Variants in ANKRD11 observed in about 807,000 individuals in gnomAD.
ANKRD11 encodes the protein ankyrin repeat domain 11, also known as ankyrin repeat domain-containing protein 11.
Under a neutral mutation model 195.7 loss-of-function variants are expected in ANKRD11, and 17 were observed. The ratio of observed to expected loss-of-function variants is 0.09; its 90% CI spans 0.06 to 0.13. The LOEUF is 0.13. Ranked by LOEUF, ANKRD11 falls within the 10% of genes least tolerant of loss-of-function variation. The pLI is 1.00. For synonymous variants in ANKRD11, 1,953 were observed against 1,528.1 expected (o/e 1.28, Z -6.49); for missense variants, 3,735 against 3,566.1 (o/e 1.05, Z -1.21).
Position 89,285,667 on chromosome 16 carries a change from C to CGA in ANKRD11, c.893-20_893-19dup. The CGA allele has an allele frequency of 4.3e-6, 7 of 1,613,430 alleles. No homozygotes were observed. Among genetic ancestry groups the CGA allele is most frequent in the Non-Finnish European group, 5.9e-6 (7 of 1,179,400 alleles). On this transcript the variant is annotated intron_variant, in intron 8 of 12. Coordinates refer to ENST00000301030, the MANE Select transcript of ANKRD11 (RefSeq NM_013275.6). The surrounding 1 kb of genome is among the most constrained non-coding windows in gnomAD (Gnocchi z 5.6). ...TGAGCTCTCTGTTGGAGGTAGGAAG[C>CGA]GAGAGGTCACAGGCAGGCTCAAAAC... is the stretch of plus-strand genomic sequence containing the variant.
chr16:89,340,707 A>G (rs2038616585), intron 2 of ANKRD11, among the ~76,000 whole-genome samples: 1 of 152,246 alleles, frequency 6.6e-6, no homozygotes, highest in African/African-American at 2.4e-5. Flanking sequence ...TTTAAATAAA[A>G]ACTATAAACT....
At chr16:89,277,575 G>C (rs1047155613) in intron 9 of ANKRD11, 1 of 152,302 alleles carries the variant, frequency 6.6e-6, no homozygotes, top group Non-Finnish European at 1.5e-5. Flanking sequence ...ACTGAGGAGA[G>C]ATCCTGGGGC....
At chr16:89,268,939 G>A (rs896778396) in intron 12 of ANKRD11, among the ~76,000 whole-genome samples, 1 of 152,218 alleles carries the variant, frequency 6.6e-6, no homozygotes, top group African/African-American at 2.4e-5. Flanking sequence ...TGCTCTGGGT[G>A]GGCCTGGGAC....
intron 2 of ANKRD11, among the ~76,000 whole-genome samples, chr16:89,349,845 G>A (rs377696419): frequency 7.7e-6 from 1 of 130,672 alleles, no homozygotes; most frequent in East Asian, 2.2e-4. Context: ...AAAAATACAG[G>A]CCAAATACTT....
rs567003574 is a variant in ANKRD11 at position 89,286,913 on chromosome 16, A to G, written c.745-727T>C. ...GATTAGCGCATTCAAAGAATCTGTC[A>G]TAACGTTTACTATAGACTCTTGTCG... On this transcript the variant is annotated intron_variant, in intron 7 of 12. Coordinates refer to ENST00000301030, the MANE Select transcript of ANKRD11 (RefSeq NM_013275.6). The G allele has an allele frequency of 7.0e-6, 9 of 1,289,630 alleles. 1 individual carries two copies. Among genetic ancestry groups the G allele is most frequent in the Middle Eastern group, 2.1e-4 (1 of 4,674 alleles). 79.9% of individuals were successfully genotyped at this position (1,289,630 alleles called of 1,614,324 possible).
intron 3 of ANKRD11, among the ~76,000 whole-genome samples, chr16:89,311,760 G>C (rs912087494): frequency 3.3e-5 from 5 of 152,190 alleles, no homozygotes; most frequent in Non-Finnish European, 7.3e-5. Context: ...TGAAGACATG[G>C]AGGCTGCTCA....
At chr16:89,318,799 G>A (rs2037122244) in intron 2 of ANKRD11, among the ~76,000 whole-genome samples, 1 of 152,176 alleles carries the variant, frequency 6.6e-6, no homozygotes, top group African/African-American at 2.4e-5. Flanking sequence ...CTGGAGAGAG[G>A]GACAGGTCGG....
intron 1 of ANKRD11, among the ~76,000 whole-genome samples, chr16:89,486,729 G>A (rs1037623014): frequency 6.6e-6 from 1 of 152,166 alleles, no homozygotes; most frequent in African/African-American, 2.4e-5. Flanking sequence ...TTTGAGGCCA[G>A]GCATGGTGGC....
intron 6 of ANKRD11, among the ~76,000 whole-genome samples, 187 bp downstream of exon 6, chr16:89,290,428 TGGGGGGAGGC>T (rs2034977083): frequency 2.0e-5 from 1 of 49,566 alleles, no homozygotes; most frequent in Non-Finnish European, 4.0e-5. Context: ...AGGGCTCCAA[TGGGGGGAGGC>T]TCAGGGCTCC....
chr16:89,359,460 G>A (rs775723509), intron 2 of ANKRD11, among the ~76,000 whole-genome samples: 39 of 152,202 alleles, frequency 2.6e-4, no homozygotes, highest in Admixed American at 7.2e-4. Context: ...CACGTCTGCT[G>A]CAGCCCCTCG....
In ANKRD11 at chr16:89,279,710, T is replaced by A. The variant is rs1474653406; in HGVS notation, c.6832A>T (p.Thr2278Ser). 3.3e-6 allele frequency: 5 copies of A among 1,522,586 alleles called. No individual in the cohort carries two copies. The highest frequency in any genetic ancestry group is 2.6e-6 in the Non-Finnish European group (3 of 1,139,698). The allele number at this position is 1,522,586 out of a possible 1,614,324, so 94.3% of individuals were successfully genotyped here. A position where few individuals can be genotyped will look rare whatever the true frequency, so the allele number is the denominator to read the frequency against. ...TCTGCGGCCTGAGCTTGTGCCACAG[T>A]GTTCGGGGCGGGGCCGTCAGGGGCA... ...LCAPDGPAPN[T>S]VAQAQAADGA... Residue 2278 changes from threonine to serine, a missense_variant, in exon 9 of 13, where the codon ACT becomes TCT. By Grantham distance (58) the Thr-to-Ser change is moderately conservative (BLOSUM62 1). Coordinates refer to ENST00000301030, the MANE Select transcript of ANKRD11 (RefSeq NM_013275.6). The surrounding 1 kb of genome is among the most constrained non-coding windows in gnomAD (Gnocchi z 5.6).
chr16:89,368,997 T>G (rs1253017780), intron 2 of ANKRD11, among the ~76,000 whole-genome samples: 1 of 152,118 alleles, frequency 6.6e-6, no homozygotes, highest in Admixed American at 6.5e-5. Context: ...GCATAGAGAC[T>G]TGGGAGTCAA....
chr16:89,329,735 A>G (rs539107126), intron 2 of ANKRD11, among the ~76,000 whole-genome samples: 23 of 152,338 alleles, frequency 1.5e-4, no homozygotes, highest in African/African-American at 5.5e-4. Context: ...TAAATATAAA[A>G]TGAGACTGGG....
chr16:89,268,409 C>G lies in ANKRD11; in HGVS notation c.*69G>C, dbSNP rs1263773470. The G allele has an allele frequency of 1.4e-6, 1 of 719,790 alleles. No homozygotes were observed. The highest frequency in any genetic ancestry group is 2.4e-5 in the Admixed American group (1 of 42,326). 44.6% of individuals were successfully genotyped at this position (719,790 alleles called of 1,614,324 possible). On this transcript the variant is annotated 3_prime_UTR_variant, in exon 13 of 13. Transcript: ENST00000301030. ...TGGACAGGGCGCTCCCTCCTCCGCC[C>G]CTGGGGCTCAGCAGCAGTCCTGGGC...
chr16:89,457,116 C>T lies in ANKRD11; in HGVS notation c.-145+33129G>A, dbSNP rs1367636841. ...CTGGGACTACAGGCGCCCGCCACTACGCCCGGCTAATTTTTTGTATTTTTA... is the reference window on the plus strand; with the variant it reads ...CTGGGACTACAGGCGCCCGCCACTATGCCCGGCTAATTTTTTGTATTTTTA... On this transcript the variant is annotated intron_variant, in intron 1 of 12. Transcript: ENST00000301030. Among the ~76,000 whole-genome samples, 13 of 150,590 alleles carry T rather than the reference C, an allele frequency of 8.6e-5. No homozygotes were observed. In the East Asian group the frequency reaches 1.2e-3, roughly 14 times the overall value.
intron 1 of ANKRD11, among the ~76,000 whole-genome samples, chr16:89,488,753 C>A (rs1427973536): frequency 1.3e-5 from 2 of 152,142 alleles, no homozygotes; most frequent in Non-Finnish European, 2.9e-5. Flanking sequence ...TTTTGCAGTT[C>A]AACAACTGTG....
intron 2 of ANKRD11, among the ~76,000 whole-genome samples, chr16:89,347,486 C>A (rs534622679): frequency 6.6e-6 from 1 of 151,906 alleles, no homozygotes; most frequent in African/African-American, 2.4e-5. Context: ...TGGCAGGCGC[C>A]GGTAGTCCCA....
chr16:89,325,444 C>A (rs1196921317), intron 2 of ANKRD11, among the ~76,000 whole-genome samples: 1 of 125,766 alleles, frequency 8.0e-6, no homozygotes, highest in Non-Finnish European at 1.6e-5. Flanking sequence ...TCCCCTCTCC[C>A]CTCTCCTCTC....
At chr16:89,382,887 C>A (rs1028568312) in intron 2 of ANKRD11, among the ~76,000 whole-genome samples, 4 of 152,186 alleles carry the variant, frequency 2.6e-5, no homozygotes, top group Admixed American at 1.3e-4. Context: ...GTTGCCCAGG[C>A]TGGAGTGCAG....
Sources: gnomAD v4.1 joint callset for allele counts (sites outside exome capture counted in the v4.1 genomes callset) on GRCh38, gnomAD v4.1.1 for gene constraint, Gnocchi (gnomAD v3.1) non-coding constraint, MANE v1.5 for transcripts, NCBI Gene and HGNC (gene_info 2026-07-23, HGNC 2026-07-21) for gene names.